The following IRAG2 variants were observed in gnomAD, a reference collection of about 807,000 sequenced individuals.
The protein encoded by IRAG2 is inositol 1,4,5-triphosphate receptor associated 2.
A neutral mutation model predicts 69.9 loss-of-function variants in IRAG2; 45 were observed. That is an observed-to-expected ratio of 0.64 (90% CI 0.51 to 0.83). The LOEUF (loss-of-function observed/expected upper bound fraction) is 0.83. Ranked by LOEUF, IRAG2 falls within the 40% of genes least tolerant of loss-of-function variation. The pLI is 0.00. For synonymous variants in IRAG2, 193 were observed against 202.4 expected (o/e 0.95, Z 0.40); for missense variants, 520 against 587.0 (o/e 0.89, Z 1.18).
At chr12:25,003,726 C>G (rs1944410029), upstream of IRAG2, among the ~76,000 whole-genome samples, 1 of 152,006 alleles carries the variant, frequency 6.6e-6, no homozygotes, top group Admixed American at 6.6e-5. Context: ...GTTTCCTTAT[C>G]TATAAAAGGA....
At position 25,062,822 on chromosome 12, in the gene IRAG2, C is replaced by A. The variant is rs1206838771; in HGVS notation, c.-382C>A. The A allele has an allele frequency of 7.5e-6, 3 of 398,812 alleles. No individual in the cohort carries two copies. The highest frequency in any genetic ancestry group is 2.1e-5 in the African/African-American group (1 of 48,612). 24.7% of individuals were successfully genotyped at this position (398,812 alleles called of 1,614,324 possible). On this transcript the variant is annotated splice_region_variant and 5_prime_UTR_variant, in exon 3 of 22. Coordinates refer to ENST00000556887, the MANE Select transcript of IRAG2 (RefSeq NM_001366544.2). Reference sequence around the variant, plus strand: ...ACTCTACCATTTTCTCTTGACAGAGCTTTTTAGATGAGGAATTTCCTCACT... The same window carrying A: ...ACTCTACCATTTTCTCTTGACAGAGATTTTTAGATGAGGAATTTCCTCACT...
exon 3 of IRAG2, chr12:25,011,550 T>C (rs1335580633): frequency 8.1e-7 from 1 of 1,231,208 alleles, no homozygotes; most frequent in Non-Finnish European, 1.0e-6. Context: ...TGGAAACACA[T>C]GGTAATCAGA....
intron 4 of IRAG2, among the ~76,000 whole-genome samples, chr12:25,064,801 G>A (rs983329634): frequency 6.6e-6 from 1 of 152,018 alleles, no homozygotes; most frequent in African/African-American, 2.4e-5. Context: ...CTTAAACAGT[G>A]CTTGCTGGCC....
chr12:25,000,394 C>G (rs373030624), upstream of IRAG2, among the ~76,000 whole-genome samples: 2 of 152,246 alleles, frequency 1.3e-5, no homozygotes, highest in East Asian at 3.9e-4. Context: ...TTCCAGTGAG[C>G]CGAGATTGTG....
chr12:25,001,427 C>A (rs1387153247), upstream of IRAG2, among the ~76,000 whole-genome samples: 1 of 151,962 alleles, frequency 6.6e-6, no homozygotes, highest in Non-Finnish European at 1.5e-5. Flanking sequence ...GCCTGGGTAA[C>A]AGACCAAGAC....
upstream of IRAG2, among the ~76,000 whole-genome samples, chr12:25,001,289 A>T (rs78752227): frequency 1.7e-3 from 259 of 150,902 alleles, 1 homozygote; most frequent in East Asian, 0.017. Flanking sequence ...AAAAAAAATT[A>T]AAAAAAAATG....
chr12:25,059,912 C>T (rs541202271), intron 1 of IRAG2, among the ~76,000 whole-genome samples: 1 of 152,260 alleles, frequency 6.6e-6, no homozygotes, highest in South Asian at 2.1e-4. Flanking sequence ...GCATTATGCT[C>T]ATGACTCAGA....
intron 16 of IRAG2, among the ~76,000 whole-genome samples, chr12:25,044,034 A>G (rs1944771786): frequency 6.6e-6 from 1 of 152,212 alleles, no homozygotes; most frequent in African/African-American, 2.4e-5. Flanking sequence ...TGGTTAAATC[A>G]CTTTTAATTC....
At chr12:25,069,683 AG>A (rs1759654032) in intron 6 of IRAG2, among the ~76,000 whole-genome samples, 1 of 152,330 alleles carries the variant, frequency 6.6e-6, no homozygotes, top group Non-Finnish European at 1.5e-5. Flanking sequence ...AGAACCAAAA[AG>A]AGATTTCAAT....
At position 25,107,810 on chromosome 12, in the gene IRAG2, CTTATAG is replaced by C. The variant is rs755187002; in HGVS notation, c.1257-2_1260del. The C allele has an allele frequency of 2.5e-6, 4 of 1,608,088 alleles. No homozygotes were observed. The highest frequency in any genetic ancestry group is 3.4e-6 in the Non-Finnish European group (4 of 1,174,998). On this transcript the variant is annotated splice_acceptor_variant and splice_polypyrimidine_tract_variant and intron_variant, in intron 21 of 21. Coordinates refer to ENST00000556887, the MANE Select transcript of IRAG2 (RefSeq NM_001366544.2). LOFTEE classifies it high-confidence loss of function. Reference sequence around the variant, plus strand: ...ATTACCAAATTCTATTTGTGTTTTCCTTATAGTTATGACACAATAGCTTCCTGGGCA... The same window carrying C: ...ATTACCAAATTCTATTTGTGTTTTCCTTATGACACAATAGCTTCCTGGGCA...
intron 15 of IRAG2, among the ~76,000 whole-genome samples, chr12:25,100,603 A>G (rs969294731): frequency 2.6e-5 from 4 of 152,176 alleles, no homozygotes; most frequent in African/African-American, 9.7e-5. Context: ...GGCTGGAAGG[A>G]GGAATAAGGC....
intron 6 of IRAG2, among the ~76,000 whole-genome samples, chr12:25,072,569 T>TGCTTAG (rs1946408093): frequency 6.6e-6 from 1 of 152,226 alleles, no homozygotes; most frequent in Non-Finnish European, 1.5e-5. Context: ...TCATTGGTAA[T>TGCTTAG]AATTACAGGG....
At chr12:25,000,141 T>A (rs928124342), upstream of IRAG2, among the ~76,000 whole-genome samples, 2 of 152,206 alleles carry the variant, frequency 1.3e-5, no homozygotes, top group Non-Finnish European at 2.9e-5. Context: ...TCTAAAGGGA[T>A]GGATATTAAA....
chr12:25,010,772 G>A (rs1291501905), intron 2 of IRAG2, among the ~76,000 whole-genome samples: 6 of 152,058 alleles, frequency 3.9e-5, no homozygotes, highest in Admixed American at 2.0e-4. Context: ...GCCCAAGGCA[G>A]GCCTTTGATG....
At chr12:25,098,197 C>T (rs374332855) in intron 15 of IRAG2, among the ~76,000 whole-genome samples, 3 of 152,328 alleles carry the variant, frequency 2.0e-5, no homozygotes, top group Admixed American at 6.5e-5. Context: ...GCCTGCATAG[C>T]TGGAAAATGT....
intron 9 of IRAG2, among the ~76,000 whole-genome samples, chr12:25,080,114 G>A (rs1947095794): frequency 6.6e-6 from 1 of 152,118 alleles, no homozygotes; most frequent in South Asian, 2.1e-4. Flanking sequence ...GAAATTCTTG[G>A]AATCCTAGTT....
upstream of IRAG2, chr12:25,052,446 C>A (rs73282853): frequency 2.3e-3 from 686 of 302,754 alleles, 2 homozygotes; most frequent in African/African-American, 0.014. Flanking sequence ...CAACAACAAA[C>A]AAAAAAAAAA....
At chr12:25,048,949 G>A (rs932874947), upstream of IRAG2, among the ~76,000 whole-genome samples, 1 of 152,162 alleles carries the variant, frequency 6.6e-6, no homozygotes, top group Non-Finnish European at 1.5e-5. Context: ...TAAGGATTGA[G>A]GAAGGGGACC....
intron 3 of IRAG2, among the ~76,000 whole-genome samples, chr12:25,012,826 A>C (rs1365147329): frequency 1.3e-5 from 2 of 151,778 alleles, no homozygotes; most frequent in Admixed American, 1.3e-4. Context: ...TCCGTCTCAA[A>C]AAGAGAGAAA....
Sources: gnomAD v4.1 joint callset for allele counts (sites outside exome capture counted in the v4.1 genomes callset) on GRCh38, gnomAD v4.1.1 for gene constraint, MANE v1.5 for transcripts, NCBI Gene and HGNC (gene_info 2026-07-23, HGNC 2026-07-21) for gene names.